The following NUP214 variants were observed in gnomAD, a reference collection of about 807,000 sequenced individuals.
NUP214 encodes nucleoporin 214, also known as nuclear pore complex protein Nup214.
A neutral mutation model predicts 196.2 loss-of-function variants in NUP214; 79 were observed. That is an observed-to-expected ratio of 0.40 (90% CI 0.34 to 0.49). The LOEUF is 0.49. NUP214 is among the 20% of genes least tolerant of loss of function. The probability of loss-of-function intolerance (pLI) is 0.58; values close to 1 mark genes in which losing one functional copy is unlikely to be tolerated. For synonymous variants in NUP214, 1,020 were observed against 990.5 expected, an observed-to-expected ratio of 1.03 and a Z score of -0.56; for missense variants, 2,468 against 2,539.0, an observed-to-expected ratio of 0.97 and a Z score of 0.60.
intron 23 of NUP214, among the ~76,000 whole-genome samples, chr9:131,176,472 A>G (rs1188111045): frequency 1.3e-5 from 2 of 151,938 alleles, no homozygotes; most frequent in South Asian, 2.1e-4. Context: ...GACTACAGGC[A>G]TGCACCACTA....
At chr9:131,197,027 G>A (rs770683842) in intron 28 of NUP214, among the ~76,000 whole-genome samples, 189 bp from the exon 29 acceptor site, 12 of 152,064 alleles carry the variant, frequency 7.9e-5, no homozygotes, top group African/African-American at 1.7e-4. Flanking sequence ...CACCTCAGAC[G>A]ACTCAGAGCT....
In NUP214 at chr9:131,163,718, T is replaced by C. The variant is rs1832709194; in HGVS notation, c.2724-152T>C. The C allele has an allele frequency of 4.5e-6, 3 of 669,744 alleles. No individual in the cohort carries two copies. The South Asian group carries it at 5.4e-5, about 12-fold the overall frequency. 41.5% of individuals were successfully genotyped at this position (669,744 alleles called of 1,614,324 possible). A position where few individuals can be genotyped will look rare whatever the true frequency, so the allele number is the denominator to read the frequency against. On this transcript the variant is annotated intron_variant, in intron 19 of 35. Transcript: ENST00000359428. ...TAATATGATTGTGATCTCACTTCTTTTAGATTAATTCCATCAGTTGGTCAG... is the reference window on the plus strand; with the variant it reads ...TAATATGATTGTGATCTCACTTCTTCTAGATTAATTCCATCAGTTGGTCAG...
At chr9:131,221,985 A>G (rs1483396422) in intron 31 of NUP214, among the ~76,000 whole-genome samples, 1 of 152,190 alleles carries the variant, frequency 6.6e-6, no homozygotes, top group Non-Finnish European at 1.5e-5. Flanking sequence ...GTGAAAAAAA[A>G]TTCTCAGCCA....
At chr9:131,141,481 T>C (rs904767489) in intron 11 of NUP214, among the ~76,000 whole-genome samples, 4 of 146,620 alleles carry the variant, frequency 2.7e-5, no homozygotes, top group Non-Finnish European at 6.0e-5. Context: ...AAAGAAACTT[T>C]TTTTTTTTTT....
chr9:131,139,277 T>TTTTTTTTTTTTC lies in NUP214; in HGVS notation c.1006-3_1006-2insTTTTTTTTTTCT. The TTTTTTTTTTTTC allele has an allele frequency of 7.0e-7, 1 of 1,427,306 alleles. No homozygotes were observed. Among genetic ancestry groups the TTTTTTTTTTTTC allele is most frequent in the South Asian group, 1.6e-5 (1 of 64,422 alleles). 88.4% of individuals were successfully genotyped at this position (1,427,306 alleles called of 1,614,324 possible). On this transcript the variant is annotated splice_region_variant and splice_polypyrimidine_tract_variant and intron_variant, in intron 9 of 35. Transcript: ENST00000359428. ...CTTCTTTTTTTTTTTTTTTTTTTTT[T>TTTTTTTTTTTTC]TAGATTAATTGGGAATCTTGGCTAC... is the stretch of plus-strand genomic sequence containing the variant.
At chr9:131,208,232 C>A (rs1296665183) in intron 30 of NUP214, among the ~76,000 whole-genome samples, 1 of 151,882 alleles carries the variant, frequency 6.6e-6, no homozygotes, top group Non-Finnish European at 1.5e-5. Flanking sequence ...GGTAGAATAC[C>A]CAAAGGAATT....
intron 30 of NUP214, among the ~76,000 whole-genome samples, chr9:131,209,938 C>G (rs571937898): frequency 9.1e-4 from 138 of 152,340 alleles, no homozygotes; most frequent in Admixed American, 2.7e-3. Context: ...CAGATACTTA[C>G]AGACCAATAA....
intron 26 of NUP214, 66 bp downstream of exon 26, chr9:131,189,197 G>A (rs1833534790): frequency 2.4e-6 from 3 of 1,270,070 alleles, no homozygotes; most frequent in Admixed American, 1.7e-5. Flanking sequence ...TTATTGTTCT[G>A]GATCACTGAG....
In NUP214 at chr9:131,214,718, C is replaced by T. The variant is rs190437800; in HGVS notation, c.5593-494C>T. Among the ~76,000 whole-genome samples the T allele has an allele frequency of 7.2e-5, 11 of 152,332 alleles. No homozygotes were observed. The East Asian group carries it at 1.7e-3, about 24-fold the overall frequency. ...CAATGAAGCTAATTTAAGCTTACTT[C>T]TGCAGCACTGGGAAAGTCATTATGA... is the stretch of plus-strand genomic sequence containing the variant. On this transcript the variant is annotated intron_variant, in intron 30 of 35. Coordinates refer to ENST00000359428, the MANE Select transcript of NUP214 (RefSeq NM_005085.4).
Position 131,228,840 on chromosome 9 carries a change from G to T in NUP214, c.6074+509G>T, listed in dbSNP as rs148098511. Reference sequence around the variant, plus strand: ...CAGGTCCTCCCGTGGGAAGATCCTGGATGATCAGGGATTTCGAAGCTGCTC... The same window carrying T: ...CAGGTCCTCCCGTGGGAAGATCCTGTATGATCAGGGATTTCGAAGCTGCTC... On this transcript the variant is annotated intron_variant, in intron 33 of 35. Transcript: ENST00000359428. The T allele has an allele frequency of 3.2e-3, 489 of 152,452 alleles. 4 individuals carry two copies. The highest frequency in any genetic ancestry group is 5.3e-3 in the Non-Finnish European group (359 of 68,126). 9.4% of individuals were successfully genotyped at this position (152,452 alleles called of 1,614,324 possible). A position where few individuals can be genotyped will look rare whatever the true frequency, so the allele number is the denominator to read the frequency against.
intron 19 of NUP214, 156 bp downstream of exon 19, chr9:131,163,329 T>G: frequency 1.5e-6 from 1 of 672,208 alleles, no homozygotes; most frequent in East Asian, 2.9e-5. Flanking sequence ...CCTTTGTTTC[T>G]TTGCCTAAAA....
rs1321930048 is a variant in NUP214, at chr9:131,194,141, A to T, written c.3660-1092A>T. On this transcript the variant is annotated intron_variant, in intron 27 of 35. Coordinates refer to ENST00000359428, the MANE Select transcript of NUP214 (RefSeq NM_005085.4). Reference sequence around the variant, plus strand: ...GCTTGGTTCGTTATATTTTAAAGCTAGTTTGAAATCTGCAATTTGAACTTT... The same window carrying T: ...GCTTGGTTCGTTATATTTTAAAGCTTGTTTGAAATCTGCAATTTGAACTTT... 4 of 149,268 alleles carry T rather than the reference A, an allele frequency of 2.7e-5. No homozygotes were observed. In the East Asian group the frequency reaches 5.9e-4, roughly 22 times the overall value. 9.2% of individuals were successfully genotyped at this position (149,268 alleles called of 1,614,324 possible).
rs555875925 is a variant in NUP214 at position 131,125,672 on chromosome 9, C to T, written c.-33C>T. ...CCGTGGGCAAGGCCGTGGGAGGCAGCGTTGGCTGCTTCGACACACTGAGGG... is the reference window on the plus strand; with the variant it reads ...CCGTGGGCAAGGCCGTGGGAGGCAGTGTTGGCTGCTTCGACACACTGAGGG... On this transcript the variant is annotated 5_prime_UTR_variant, in exon 1 of 36. Transcript: ENST00000359428. The surrounding 1 kb of genome is among the most constrained non-coding windows in gnomAD (Gnocchi z 4.1). 64 of 1,547,298 alleles carry T rather than the reference C, an allele frequency of 4.1e-5. 1 individual carries two copies. In the South Asian group the frequency reaches 7.3e-4, roughly 18 times the overall value.
At chr9:131,230,179 C>G (rs547545511) in intron 33 of NUP214, 1 of 180,080 alleles carries the variant, frequency 5.6e-6, no homozygotes, top group Non-Finnish European at 1.2e-5. Context: ...AATACAAAAT[C>G]CTGAATGAAA....
intron 12 of NUP214, 50 bp downstream of exon 12, chr9:131,144,804 G>A (rs1588130040): frequency 7.4e-7 from 1 of 1,347,432 alleles, no homozygotes; most frequent in Non-Finnish European, 1.0e-6. Context: ...TAGAAATATT[G>A]GATGTTATTT....
chr9:131,212,926 A>G (rs1834286267), intron 30 of NUP214, among the ~76,000 whole-genome samples: 1 of 152,126 alleles, frequency 6.6e-6, no homozygotes, highest in Admixed American at 6.5e-5. Flanking sequence ...AATCTGGCTG[A>G]TGGGTGTCTG....
At chr9:131,223,727 A>ATTTATTTTATTTTTTT in intron 32 of NUP214, among the ~76,000 whole-genome samples, 1 of 15,642 alleles carries the variant, frequency 6.4e-5, no homozygotes, top group Non-Finnish European at 1.4e-4. Flanking sequence ...TTATTTATTT[A>ATTTATTTTATTTTTTT]TTTTTTTTTT....
In NUP214 at chr9:131,144,710, C is replaced by T. The variant is rs1237692616; in HGVS notation, c.1725C>T (p.Ser575=). ...VSAPNIAMKP[S]FPPSTSAVKV... ...CTCCAAATATAGCAATGAAGCCCTC[C>T]TTCCCACCCTCAACCTCTGCTGTCA... The change falls in exon 12 of 36, where the codon TCC becomes TCT. Residue 575 remains serine (S), a synonymous_variant. Transcript: ENST00000359428. 9 of 1,613,304 alleles carry T rather than the reference C, an allele frequency of 5.6e-6. No individual in the cohort carries two copies. In the Admixed American group the frequency reaches 1.2e-4, roughly 21 times the overall value.
chr9:131,184,182 C>T (rs1423883855), intron 24 of NUP214, among the ~76,000 whole-genome samples: 4 of 151,368 alleles, frequency 2.6e-5, no homozygotes, highest in Non-Finnish European at 5.9e-5. Context: ...AGGTGTGCAC[C>T]AGCACAGCCG....
Sources: gnomAD v4.1 joint callset for allele counts (sites outside exome capture counted in the v4.1 genomes callset) on GRCh38, gnomAD v4.1.1 for gene constraint, Gnocchi (gnomAD v3.1) non-coding constraint, MANE v1.5 for transcripts, NCBI Gene and HGNC (gene_info 2026-07-23, HGNC 2026-07-21) for gene names.